Variants in ATP6V0A2 observed in about 807,000 individuals in gnomAD.
ATP6V0A2 encodes the protein V-type proton ATPase 116 kDa subunit a 2.
Under a neutral mutation model 104.4 loss-of-function variants are expected in ATP6V0A2, and 58 were observed. The observed-to-expected ratio is 0.56, with a 90% confidence interval of 0.45 to 0.69. ATP6V0A2 has a LOEUF of 0.69. ATP6V0A2 is among the 30% of genes least tolerant of loss of function. The pLI is 0.00. For synonymous variants in ATP6V0A2, 376 were observed against 397.9 expected (o/e 0.95, Z 0.65); for missense variants, 938 against 1,062.9 (o/e 0.88, Z 1.63).
intron 1 of ATP6V0A2, among the ~76,000 whole-genome samples, chr12:123,713,741 C>T (rs532251829): frequency 2.0e-5 from 3 of 152,250 alleles, no homozygotes; most frequent in African/African-American, 7.2e-5. Context: ...TACTTACTGA[C>T]TGAATTGAAA....
At chr12:123,718,984 CATAG>C (rs1314437257) in intron 2 of ATP6V0A2, among the ~76,000 whole-genome samples, 1 of 152,104 alleles carries the variant, frequency 6.6e-6, no homozygotes, top group Non-Finnish European at 1.5e-5. Flanking sequence ...TGTCAGTAGA[CATAG>C]ATATTTACCC....
intron 2 of ATP6V0A2, 70 bp from the exon 3 acceptor site, chr12:123,722,281 T>G: frequency 2.9e-6 from 3 of 1,032,348 alleles, no homozygotes; most frequent in Non-Finnish European, 4.6e-6. Flanking sequence ...CATTGGGCTT[T>G]AAAATGTTTC....
Position 123,747,599 on chromosome 12 carries a change from G to A in ATP6V0A2, c.1606-8G>A. The A allele has an allele frequency of 6.4e-7, 1 of 1,561,524 alleles. No homozygotes were observed. On this transcript the variant is annotated splice_polypyrimidine_tract_variant and splice_region_variant and intron_variant, in intron 13 of 19. Coordinates refer to ENST00000330342, the MANE Select transcript of ATP6V0A2 (RefSeq NM_012463.4). The stretch of plus-strand genomic sequence containing the variant: ...GATTCTGTTTTGTCTTGTTTGGTTT[G>A]GTTTTAGATTTGGAACTTGGCCACA...
At chr12:123,723,972 G>A (rs1023172571) in intron 3 of ATP6V0A2, 2 of 152,188 alleles carry the variant, frequency 1.3e-5, no homozygotes, top group Non-Finnish European at 2.9e-5. Flanking sequence ...CCTGTGGTTA[G>A]AGACGAGGGC....
intron 6 of ATP6V0A2, among the ~76,000 whole-genome samples, chr12:123,729,322 G>GTTTTTTTTTTTTTTTTTTTTTTTTTTTT (rs71308012): frequency 1.8e-5 from 2 of 113,888 alleles, no homozygotes; most frequent in African/African-American, 3.4e-5. Context: ...CAAGGAGGCT[G>GTTTTTTTTTTTTTTTTTTTTTTTTTTTT]TTTTTTTTTT....
Position 123,759,301 on chromosome 12 carries a change from AATG to A in ATP6V0A2, c.*1272_*1274del, listed in dbSNP as rs1373457638. The A allele has an allele frequency of 6.6e-6, 1 of 152,232 alleles. No individual in the cohort carries two copies. The highest frequency in any genetic ancestry group is 1.5e-5 in the Non-Finnish European group (1 of 68,044). 9.4% of individuals were successfully genotyped at this position (152,232 alleles called of 1,614,324 possible). On this transcript the variant is annotated 3_prime_UTR_variant, in exon 20 of 20. Transcript: ENST00000330342. Reference sequence around the variant, plus strand: ...TTGCACTTATCCTTGAGAACAGTCTAATGATACTTTTTTTACTTTCAGACTGTT... The same window carrying A: ...TTGCACTTATCCTTGAGAACAGTCTAATACTTTTTTTACTTTCAGACTGTT...
In ATP6V0A2 at chr12:123,743,772, G is replaced by A. The variant is rs375793162; in HGVS notation, c.1039-13G>A. On this transcript the variant is annotated splice_polypyrimidine_tract_variant and intron_variant, in intron 9 of 19. Transcript: ENST00000330342. ...GGATAGTAATTTTTTATCTTTCCTTGTTTATGTGGAAGAGAGAGAGTGGTG... is the reference window on the plus strand; with the variant it reads ...GGATAGTAATTTTTTATCTTTCCTTATTTATGTGGAAGAGAGAGAGTGGTG... 6.2e-7 allele frequency: 1 copy of A among 1,613,812 alleles called. No individual in the cohort carries two copies. Among genetic ancestry groups the A allele is most frequent in the South Asian group, 1.1e-5 (1 of 91,078 alleles).
intron 5 of ATP6V0A2, among the ~76,000 whole-genome samples, chr12:123,727,216 T>G (rs773255746): frequency 7.1e-4 from 108 of 152,128 alleles, no homozygotes; most frequent in Non-Finnish European, 1.3e-3. Context: ...CTCAAGTTCT[T>G]AAGATACGGG....
At chr12:123,717,054 C>T (rs2135877064) in intron 1 of ATP6V0A2, among the ~76,000 whole-genome samples, 1 of 152,170 alleles carries the variant, frequency 6.6e-6, no homozygotes, top group East Asian at 1.9e-4. Flanking sequence ...GTGGCTCACG[C>T]CTGTAATCCT....
At chr12:123,719,142 A>C (rs1956372394) in intron 2 of ATP6V0A2, among the ~76,000 whole-genome samples, 1 of 152,204 alleles carries the variant, frequency 6.6e-6, no homozygotes, top group Non-Finnish European at 1.5e-5. Context: ...TTTTTCAAGG[A>C]ACAAGGGAGG....
intron 3 of ATP6V0A2, 108 bp downstream of exon 3, chr12:123,722,556 A>G: frequency 1.4e-6 from 1 of 738,724 alleles, no homozygotes; most frequent in Non-Finnish European, 2.5e-6. Context: ...AAAACTATGG[A>G]AGATGGTGAT....
At chr12:123,714,702 C>G (rs1325747187) in intron 1 of ATP6V0A2, among the ~76,000 whole-genome samples, 1 of 151,992 alleles carries the variant, frequency 6.6e-6, no homozygotes, top group Non-Finnish European at 1.5e-5. Flanking sequence ...TAAAATGTAC[C>G]TTATTCCATT....
At chr12:123,718,806 A>G (rs2135879931) in intron 2 of ATP6V0A2, 105 bp downstream of exon 2, 1 of 773,374 alleles carries the variant, frequency 1.3e-6, no homozygotes, top group South Asian at 1.7e-5. Flanking sequence ...AAAGGAAAAA[A>G]AGAAATTGTA....
intron 2 of ATP6V0A2, among the ~76,000 whole-genome samples, chr12:123,719,533 C>T (rs139224395): frequency 0.022 from 3,351 of 152,038 alleles, 102 homozygotes; most frequent in African/African-American, 0.055. Flanking sequence ...ACTATAGGTG[C>T]GTGCCACCAC....
chr12:123,757,414 C>G lies in ATP6V0A2; in HGVS notation c.2465+428C>G, dbSNP rs886303379. On this transcript the variant is annotated intron_variant, in intron 19 of 19. Transcript: ENST00000330342. The stretch of plus-strand genomic sequence containing the variant: ...CGAGATCATGCCATTTTACTCCAGC[C>G]TGGGGGACGAGCGAAACTCTGTGTC... Among the ~76,000 whole-genome samples, 11 of 81,384 alleles carry G rather than the reference C, an allele frequency of 1.4e-4. No individual in the cohort carries two copies. In the Admixed American group the frequency reaches 1.7e-3, roughly 12 times the overall value. The allele number at this position is 81,384 out of a possible 152,430, so 53.4% of individuals were successfully genotyped here.
At position 123,725,042 on chromosome 12, in the gene ATP6V0A2, T is replaced by C. The variant is rs192821655; in HGVS notation, c.432+251T>C. On this transcript the variant is annotated intron_variant, in intron 4 of 19. Transcript: ENST00000330342. ...CCTCCGCCTTCCGGGTTCAAGAGAT[T>C]GTCCTGCCTCAGCCTCTCGAATAGC... 3.8e-3 allele frequency among the ~76,000 whole-genome samples: 579 copies of C among 152,278 alleles called. 2 individuals carry two copies. The highest frequency in any genetic ancestry group is 0.013 in the African/African-American group (538 of 41,562).
chr12:123,746,594 C>T (rs1317368785), intron 13 of ATP6V0A2, among the ~76,000 whole-genome samples: 2 of 143,742 alleles, frequency 1.4e-5, no homozygotes, highest in African/African-American at 5.2e-5. Context: ...GCCCTGATTG[C>T]TCCACTGTAC....
rs1956561394 is a variant in ATP6V0A2, at chr12:123,737,078, A to T, written c.845A>T (p.Asp282Val). 1.9e-6 allele frequency: 3 copies of T among 1,614,060 alleles called. No individual in the cohort carries two copies. Among genetic ancestry groups the T allele is most frequent in the Non-Finnish European group, 1.7e-6 (2 of 1,180,042 alleles). ...CCCCAGGTACTGCACAAAACCGAGG[A>T]CTATTTGAGGCAAGTGCTATGTAAA... ...DLYTVLHKTE[D>V]YLRQVLCKAA... The change falls in exon 9 of 20, where the codon GAC (aspartate) becomes GTC (valine). Residue 282 changes from aspartate to valine, a missense_variant. Transcript: ENST00000330342.
intron 2 of ATP6V0A2, among the ~76,000 whole-genome samples, chr12:123,720,465 G>A (rs1032875399): frequency 1.3e-5 from 2 of 152,332 alleles, no homozygotes; most frequent in Middle Eastern, 3.4e-3. Flanking sequence ...GGGAGGCCAA[G>A]GTGGGAGGAT....
Sources: gnomAD v4.1 joint callset for allele counts (sites outside exome capture counted in the v4.1 genomes callset) on GRCh38, gnomAD v4.1.1 for gene constraint, MANE v1.5 for transcripts, NCBI Gene and HGNC (gene_info 2026-07-23, HGNC 2026-07-21) for gene names.